AP3B1: variants seen among roughly 807,000 people sequenced by gnomAD.
The protein encoded by AP3B1 is AP-3 complex subunit beta-1.
AP3B1 carries 61 observed loss-of-function variants against 132.5 expected under a neutral mutation model. That is an observed-to-expected ratio of 0.46 (90% CI 0.37 to 0.57). The LOEUF (loss-of-function observed/expected upper bound fraction) is 0.57. AP3B1 is among the 20% of genes least tolerant of loss of function. The pLI, the probability that AP3B1 is intolerant of heterozygous loss-of-function variation, is 0.00. For synonymous variants in AP3B1, 388 were observed against 438.3 expected, an observed-to-expected ratio of 0.89 and a Z score of 1.43; for missense variants, 1,120 against 1,289.4, an observed-to-expected ratio of 0.87 and a Z score of 2.01.
At chr5:78,222,802 C>T (rs188384943) in intron 6 of AP3B1, among the ~76,000 whole-genome samples, 49 of 150,854 alleles carry the variant, frequency 3.2e-4, no homozygotes, top group Admixed American at 1.3e-3. Context: ...ATTTACCATA[C>T]ATTAAAAAAA....
chr5:78,260,911 T>C (rs547900422), intron 2 of AP3B1, among the ~76,000 whole-genome samples: 1 of 152,288 alleles, frequency 6.6e-6, no homozygotes, highest in South Asian at 2.1e-4. Flanking sequence ...ATGACTTAAG[T>C]AAGGTTCATC....
chr5:78,129,357 C>T (rs1414202466), intron 15 of AP3B1, 50 bp from the exon 16 acceptor site: 6 of 1,408,582 alleles, frequency 4.3e-6, no homozygotes, highest in African/African-American at 2.8e-5. Context: ...TTATGATTAT[C>T]GATAACTCTG....
intron 24 of AP3B1, among the ~76,000 whole-genome samples, chr5:78,026,764 A>G (rs1199868538): frequency 6.6e-6 from 1 of 152,216 alleles, no homozygotes; most frequent in Non-Finnish European, 1.5e-5. Context: ...ACAAGAGTAC[A>G]TGTTTTTCTC....
At chr5:78,147,820 G>C (rs1753475145) in intron 14 of AP3B1, among the ~76,000 whole-genome samples, 1 of 152,174 alleles carries the variant, frequency 6.6e-6, no homozygotes, top group African/African-American at 2.4e-5. Flanking sequence ...GATCACCTGA[G>C]GTCAGGAGTT....
chr5:78,020,984 T>C (rs772984876), intron 24 of AP3B1, among the ~76,000 whole-genome samples, 195 bp from the exon 25 acceptor site: 2 of 152,098 alleles, frequency 1.3e-5, no homozygotes, highest in Non-Finnish European at 2.9e-5. Flanking sequence ...ACATCTGTTA[T>C]CTCAATCAAG....
chr5:78,193,760 A>AT (rs1561469542), intron 7 of AP3B1, among the ~76,000 whole-genome samples: 2 of 112,250 alleles, frequency 1.8e-5, no homozygotes, highest in African/African-American at 3.4e-5. Context: ...ATATATATAT[A>AT]TATATATATA....
At chr5:78,240,586 A>G (rs1747086684) in intron 3 of AP3B1, among the ~76,000 whole-genome samples, 1 of 152,182 alleles carries the variant, frequency 6.6e-6, no homozygotes, top group Non-Finnish European at 1.5e-5. Context: ...AATTTAAACT[A>G]AACGGGCCTC....
At chr5:78,195,213 TG>T (rs1205495567) in intron 7 of AP3B1, among the ~76,000 whole-genome samples, 1 of 152,158 alleles carries the variant, frequency 6.6e-6, no homozygotes, top group Non-Finnish European at 1.5e-5. Context: ...AATCTTGGAA[TG>T]GGGTAAGGTA....
rs186043795 is a variant in AP3B1, at chr5:78,070,558, A to T, written c.2577+18835T>A. 5.3e-5 allele frequency among the ~76,000 whole-genome samples: 8 copies of T among 152,274 alleles called. No homozygotes were observed. The East Asian group carries it at 1.5e-3, about 29-fold the overall frequency. On this transcript the variant is annotated intron_variant, in intron 22 of 26. Transcript: ENST00000255194. The stretch of plus-strand genomic sequence containing the variant: ...CTACAACAAAAGCAAAAATTGACAA[A>T]TGGGATTTAATTAAACTAAAGAGCT...
intron 20 of AP3B1, among the ~76,000 whole-genome samples, chr5:78,104,937 A>G (rs1462067434): frequency 6.6e-6 from 1 of 152,196 alleles, no homozygotes; most frequent in East Asian, 1.9e-4. Flanking sequence ...ACGTATATAC[A>G]GTTGGTACTA....
intron 21 of AP3B1, among the ~76,000 whole-genome samples, chr5:78,096,831 G>C (rs1257820649): frequency 6.6e-6 from 1 of 151,508 alleles, no homozygotes; most frequent in Non-Finnish European, 1.5e-5. Flanking sequence ...CCCCGTCCGG[G>C]AGGGAGGGGG....
At chr5:78,181,754 TAAC>T (rs1744382154) in intron 7 of AP3B1, 92 bp from the exon 8 acceptor site, 4 of 1,106,244 alleles carry the variant, frequency 3.6e-6, no homozygotes, top group East Asian at 2.4e-5. Context: ...TAAACATCTA[TAAC>T]AACATTTTAC....
intron 2 of AP3B1, among the ~76,000 whole-genome samples, chr5:78,266,984 A>T (rs1748348615): frequency 6.6e-6 from 1 of 152,168 alleles, no homozygotes; most frequent in Admixed American, 6.5e-5. Context: ...GAATCCTCAT[A>T]ACTTATTAAT....
intron 24 of AP3B1, among the ~76,000 whole-genome samples, chr5:78,024,719 A>G (rs1374258904): frequency 1.3e-5 from 2 of 151,840 alleles, no homozygotes; most frequent in Admixed American, 6.6e-5. Flanking sequence ...TGCATGCCAC[A>G]TGCCGGGCTA....
intron 14 of AP3B1, among the ~76,000 whole-genome samples, chr5:78,145,232 A>G (rs1753337998): frequency 6.6e-6 from 1 of 152,220 alleles, no homozygotes; most frequent in South Asian, 2.1e-4. Flanking sequence ...GATAAAATCT[A>G]TGTTCTCTTT....
intron 20 of AP3B1, among the ~76,000 whole-genome samples, chr5:78,105,550 TAA>T (rs138162914): frequency 6.6e-6 from 1 of 151,254 alleles, no homozygotes; most frequent in Non-Finnish European, 1.5e-5. Flanking sequence ...CTGTTTCATA[TAA>T]AAAAAAATTT....
chr5:78,087,422 C>T, intron 22 of AP3B1: 2 of 553,952 alleles, frequency 3.6e-6, no homozygotes, highest in Non-Finnish European at 4.6e-6. Flanking sequence ...TGACATTCTG[C>T]AGTAGAATAT....
chr5:78,215,022 TAGAAAA>T (rs1745898804), intron 7 of AP3B1, among the ~76,000 whole-genome samples: 1 of 152,108 alleles, frequency 6.6e-6, no homozygotes, highest in African/African-American at 2.4e-5. Flanking sequence ...TAAATCAATA[TAGAAAA>T]TAGTGATCAA....
chr5:78,193,767 T>C (rs1744958215), intron 7 of AP3B1, among the ~76,000 whole-genome samples: 1 of 115,924 alleles, frequency 8.6e-6, no homozygotes, highest in East Asian at 2.2e-4. Context: ...TATATATATA[T>C]ATATTTTTTT....
Sources: allele counts gnomAD v4.1 joint callset (sites outside exome capture counted in the v4.1 genomes callset), GRCh38; gene constraint gnomAD v4.1.1; transcripts MANE v1.5; gene names NCBI Gene and HGNC (gene_info 2026-07-23, HGNC 2026-07-21).